EIPR1: variants seen among roughly 807,000 people sequenced by gnomAD.
The protein encoded by EIPR1 is EARP and GARP complex-interacting protein 1.
A neutral mutation model predicts 48.1 loss-of-function variants in EIPR1; 25 were observed. The ratio of observed to expected loss-of-function variants is 0.52; its 90% CI spans 0.38 to 0.73. EIPR1 has a LOEUF of 0.73. Ranked by LOEUF, EIPR1 falls within the 30% of genes least tolerant of loss-of-function variation. The pLI, the probability that EIPR1 is intolerant of heterozygous loss-of-function variation, is 0.00. For synonymous variants in EIPR1, 204 were observed against 201.9 expected (o/e 1.01, Z -0.09); for missense variants, 415 against 506.2 (o/e 0.82, Z 1.73).
intron 4 of EIPR1, among the ~76,000 whole-genome samples, chr2:3,217,941 C>T (rs567055046): frequency 7.0e-4 from 107 of 152,320 alleles, no homozygotes; most frequent in Non-Finnish European, 1.2e-3. Context: ...ATAAGCTATG[C>T]TAAATACACG....
At chr2:3,238,933 G>A (rs540408367) in intron 4 of EIPR1, among the ~76,000 whole-genome samples, 20 of 152,188 alleles carry the variant, frequency 1.3e-4, no homozygotes, top group African/African-American at 4.1e-4. Flanking sequence ...CAGCCAGCCC[G>A]GGATGGAGAA....
intron 4 of EIPR1, among the ~76,000 whole-genome samples, chr2:3,220,836 G>A (rs1049214064): frequency 2.9e-4 from 36 of 124,000 alleles, no homozygotes; most frequent in South Asian, 2.7e-4. Flanking sequence ...GAGCATTCAC[G>A]GTGAGTCGGG....
At chr2:3,348,240 C>T (rs1386569038) in intron 2 of EIPR1, among the ~76,000 whole-genome samples, 1 of 152,192 alleles carries the variant, frequency 6.6e-6, no homozygotes, top group East Asian at 1.9e-4. Flanking sequence ...TCTGTGACAT[C>T]AGTCTTTTCA....
In EIPR1 at chr2:3,324,246, G is replaced by A. The variant is rs77049002; in HGVS notation, c.259+13771C>T. Among the ~76,000 whole-genome samples, 21 of 152,258 alleles carry A rather than the reference G, an allele frequency of 1.4e-4. No individual in the cohort carries two copies. The East Asian group carries it at 2.9e-3, about 21-fold the overall frequency. ...AGAGCAGGTCCCCAGCCCCTGGAGCGCAGGACCCACCCGAGACAGCTCACT... is the reference window on the plus strand; with the variant it reads ...AGAGCAGGTCCCCAGCCCCTGGAGCACAGGACCCACCCGAGACAGCTCACT... On this transcript the variant is annotated intron_variant, in intron 3 of 8. Coordinates refer to ENST00000382125, the MANE Select transcript of EIPR1 (RefSeq NM_003310.5).
At chr2:3,203,110 G>T (rs778198898) in intron 5 of EIPR1, among the ~76,000 whole-genome samples, 1 of 152,224 alleles carries the variant, frequency 6.6e-6, no homozygotes, top group Non-Finnish European at 1.5e-5. Context: ...ATTATCACAA[G>T]TCACATGATG....
intron 3 of EIPR1, among the ~76,000 whole-genome samples, chr2:3,269,352 ACTCAGTCATCGCACTCAATCATCG>A (rs1667606092): frequency 1.2e-5 from 1 of 84,890 alleles, no homozygotes; most frequent in Admixed American, 1.3e-4. Flanking sequence ...CAGTCATCGC[ACTCAGTCATCGCACTCAATCATCG>A]CACTCAGTCA....
intron 5 of EIPR1, among the ~76,000 whole-genome samples, chr2:3,213,353 GA>G (rs1558227027): frequency 6.6e-6 from 1 of 152,006 alleles, no homozygotes; most frequent in Non-Finnish European, 1.5e-5. Context: ...AATCAAATAT[GA>G]AAAATATATA....
chr2:3,193,502 T>C (rs1326892181), intron 7 of EIPR1, among the ~76,000 whole-genome samples: 2 of 152,258 alleles, frequency 1.3e-5, no homozygotes, highest in Non-Finnish European at 2.9e-5. Flanking sequence ...TTGATCTTTT[T>C]ACTTACTTAG....
At chr2:3,314,720 T>C (rs1235769042) in intron 3 of EIPR1, among the ~76,000 whole-genome samples, 3 of 151,778 alleles carry the variant, frequency 2.0e-5, no homozygotes, top group African/African-American at 7.3e-5. Flanking sequence ...GGTTCTAGGC[T>C]CCGATGCCCC....
At chr2:3,211,288 T>TTTCC in intron 5 of EIPR1, among the ~76,000 whole-genome samples, 1 of 151,752 alleles carries the variant, frequency 6.6e-6, no homozygotes, top group Non-Finnish European at 1.5e-5. Context: ...AACAAGCCTC[T>TTTCC]TTCCTCTGTA....
At chr2:3,320,941 A>G (rs1669507890) in intron 3 of EIPR1, among the ~76,000 whole-genome samples, 1 of 152,208 alleles carries the variant, frequency 6.6e-6, no homozygotes, top group Admixed American at 6.5e-5. Flanking sequence ...AGCCCCAAAA[A>G]TAAGCTTAAA....
intron 4 of EIPR1, among the ~76,000 whole-genome samples, chr2:3,251,075 C>T (rs1015876403): frequency 1.3e-5 from 2 of 152,116 alleles, no homozygotes; most frequent in Admixed American, 6.5e-5. Flanking sequence ...AAACATTACA[C>T]TAGATGGGCA....
chr2:3,208,783 T>G, intron 5 of EIPR1: 3 of 1,548,560 alleles, frequency 1.9e-6, no homozygotes, highest in Non-Finnish European at 2.6e-6. Flanking sequence ...CTTCCTTGAG[T>G]GAGGCTCGTG....
At position 3,257,623 on chromosome 2, in the gene EIPR1, C is replaced by T. The variant is rs1019095218; in HGVS notation, c.260-168G>A. 110 of 702,422 alleles carry T rather than the reference C, an allele frequency of 1.6e-4. No homozygotes were observed. The African/African-American group carries it at 1.8e-3, about 11-fold the overall frequency. The allele number at this position is 702,422 out of a possible 1,614,324, so 43.5% of individuals were successfully genotyped here. On this transcript the variant is annotated intron_variant, in intron 3 of 8. Transcript: ENST00000382125. The stretch of plus-strand genomic sequence containing the variant: ...GAGCAGGGAGAAGCACAGCCTGAGT[C>T]GGCAGGCAGAACCCGGCACGGTTCG...
rs115531740 is a variant in EIPR1 at position 3,281,015 on chromosome 2, T to C, written c.260-23560A>G. ...GCCTCCAGCTTGGGGTGCTGTCTCC[T>C]ACGTGGTCCTCTAGGAGAACCCAAG... is the stretch of plus-strand genomic sequence containing the variant. On this transcript the variant is annotated intron_variant, in intron 3 of 8. Transcript: ENST00000382125. Among the ~76,000 whole-genome samples, 809 of 152,226 alleles carry C rather than the reference T, an allele frequency of 5.3e-3. 9 individuals carry two copies. The highest frequency in any genetic ancestry group is 0.019 in the African/African-American group (771 of 41,542).
At chr2:3,228,364 A>G (rs775791567) in intron 4 of EIPR1, among the ~76,000 whole-genome samples, 4 of 152,224 alleles carry the variant, frequency 2.6e-5, no homozygotes, top group Non-Finnish European at 4.4e-5. Context: ...TGTTTTGGCC[A>G]ATTTCTCCCA....
chr2:3,193,508 C>G (rs1664684011), intron 7 of EIPR1, among the ~76,000 whole-genome samples: 1 of 152,190 alleles, frequency 6.6e-6, no homozygotes, highest in South Asian at 2.1e-4. Context: ...TTTTTACTTA[C>G]TTAGCAAAAA....
At chr2:3,332,724 CT>C (rs1243255164) in intron 3 of EIPR1, among the ~76,000 whole-genome samples, 2 of 152,164 alleles carry the variant, frequency 1.3e-5, no homozygotes, top group Non-Finnish European at 2.9e-5. Flanking sequence ...AGTTCAAGTT[CT>C]TTTTTAAATC....
chr2:3,353,638 T>C (rs1315434339), intron 2 of EIPR1, among the ~76,000 whole-genome samples: 3 of 152,214 alleles, frequency 2.0e-5, no homozygotes, highest in Non-Finnish European at 4.4e-5. Flanking sequence ...ATATTCTTCG[T>C]GTATAATGAT....
Sources: allele counts gnomAD v4.1 joint callset (sites outside exome capture counted in the v4.1 genomes callset), GRCh38; gene constraint gnomAD v4.1.1; transcripts MANE v1.5; gene names NCBI Gene and HGNC (gene_info 2026-07-23, HGNC 2026-07-21).